The following SMIM35 variants were observed in gnomAD, a reference collection of about 807,000 sequenced individuals.
The protein encoded by SMIM35 is TMPRSS4 antisense RNA 1 (non-protein coding).
chr11:118,078,877 C>G (rs533417251), intron 1 of SMIM35, among the ~76,000 whole-genome samples: 2 of 152,260 alleles, frequency 1.3e-5, no homozygotes, highest in South Asian at 2.1e-4. Flanking sequence ...CGCACATGCA[C>G]CGGGTTCGCA....
At chr11:118,033,227 G>A (rs11216713) in intron 1 of SMIM35, among the ~76,000 whole-genome samples, 5,648 of 152,182 alleles carry the variant, frequency 0.037, 196 homozygotes, top group East Asian at 0.19. Context: ...AAGGATTCTA[G>A]AACACATAGA....
At chr11:118,070,517 T>G (rs1944554465) in intron 1 of SMIM35, among the ~76,000 whole-genome samples, 1 of 152,182 alleles carries the variant, frequency 6.6e-6, no homozygotes, top group Admixed American at 6.5e-5. Flanking sequence ...AAACACTGTA[T>G]GTTCATGGTC....
chr11:118,074,906 T>C (rs894753711), intron 1 of SMIM35, among the ~76,000 whole-genome samples: 1 of 152,154 alleles, frequency 6.6e-6, no homozygotes, highest in African/African-American at 2.4e-5. Flanking sequence ...GTCCTGCTTA[T>C]GTGCCTTCTT....
chr11:118,078,852 C>A (rs1488266295), intron 1 of SMIM35, among the ~76,000 whole-genome samples: 2 of 152,166 alleles, frequency 1.3e-5, no homozygotes. Flanking sequence ...AACGATATGA[C>A]CCACAACAGC....
At chr11:118,025,548 T>C in intron 1 of SMIM35, 1 of 455,616 alleles carries the variant, frequency 2.2e-6, no homozygotes, top group Non-Finnish European at 4.4e-6. Flanking sequence ...ATTAGTGATG[T>C]TGAGAGCATT....
chr11:118,063,297 G>A (rs1051840240), intron 1 of SMIM35, among the ~76,000 whole-genome samples: 1 of 152,084 alleles, frequency 6.6e-6, no homozygotes, highest in African/African-American at 2.4e-5. Flanking sequence ...GTCTGGATGG[G>A]GACCCCTTTC....
intron 1 of SMIM35, chr11:118,077,305 G>A (rs371320220): frequency 4.4e-6 from 7 of 1,601,098 alleles, no homozygotes; most frequent in East Asian, 2.3e-5. Flanking sequence ...GAGCCAGCAT[G>A]GTGAGTGTGG....
At chr11:118,078,504 G>C (rs906432940) in intron 1 of SMIM35, among the ~76,000 whole-genome samples, 5 of 152,224 alleles carry the variant, frequency 3.3e-5, no homozygotes, top group Non-Finnish European at 5.9e-5. Flanking sequence ...GATCAGAAAG[G>C]GGAAGGGGCT....
intron 1 of SMIM35, among the ~76,000 whole-genome samples, chr11:118,044,314 T>TG (rs1345031378): frequency 4.5e-3 from 222 of 49,236 alleles, no homozygotes; most frequent in African/African-American, 0.013. Flanking sequence ...CTGGCAGAAT[T>TG]GAAAAAAAAA....
At chr11:118,055,714 C>T (rs1861017315) in intron 1 of SMIM35, among the ~76,000 whole-genome samples, 1 of 152,188 alleles carries the variant, frequency 6.6e-6, no homozygotes, top group South Asian at 2.1e-4. Context: ...GCTGCTTCTT[C>T]TAGGAAGTCC....
rs370997174 is a variant in SMIM35, at chr11:118,051,774, T to C, written c.7+34977A>G. ...GTCATCTGTGGTTTCACCTCTACAG[T>C]GACACATTTTCCTGTACTGGTGCCC... On this transcript the variant is annotated intron_variant, in intron 1 of 4. Transcript: ENST00000689828. Among the ~76,000 whole-genome samples, 18 of 152,292 alleles carry C rather than the reference T, an allele frequency of 1.2e-4. No homozygotes were observed. The East Asian group carries it at 1.7e-3, about 15-fold the overall frequency.
intron 1 of SMIM35, among the ~76,000 whole-genome samples, chr11:118,045,330 GCACACACACACACACACA>G (rs34102097): frequency 6.8e-6 from 1 of 146,014 alleles, no homozygotes; most frequent in Non-Finnish European, 1.5e-5. Flanking sequence ...ATACACACAT[GCACACACACACACACACA>G]CACACACACA....
intron 1 of SMIM35, among the ~76,000 whole-genome samples, chr11:118,030,126 C>A (rs2058305945): frequency 6.6e-6 from 1 of 151,990 alleles, no homozygotes; most frequent in South Asian, 2.1e-4. Flanking sequence ...ACTCTGTCTC[C>A]CAGGTTCAAG....
At chr11:118,081,344 G>T (rs1226495481) in intron 1 of SMIM35, among the ~76,000 whole-genome samples, 1 of 152,174 alleles carries the variant, frequency 6.6e-6, no homozygotes, top group Non-Finnish European at 1.5e-5. Flanking sequence ...GAAGAGTGGG[G>T]CAGAGCCAAT....
chr11:118,018,814 T>A (rs2058203737), intron 1 of SMIM35, among the ~76,000 whole-genome samples: 1 of 152,256 alleles, frequency 6.6e-6, no homozygotes, highest in Non-Finnish European at 1.5e-5. Context: ...TACCTTTTGA[T>A]CTTTCTGGGA....
At chr11:118,025,469 T>C (rs1252639665) in intron 1 of SMIM35, 1 of 455,222 alleles carries the variant, frequency 2.2e-6, no homozygotes, top group Admixed American at 2.4e-5. Context: ...TTCTGACTTC[T>C]TAATAGTAGC....
At chr11:118,017,182 A>C (rs1158632610) in intron 1 of SMIM35, among the ~76,000 whole-genome samples, 3 of 152,232 alleles carry the variant, frequency 2.0e-5, no homozygotes, top group African/African-American at 7.2e-5. Flanking sequence ...TGAAAGAGAT[A>C]AAGAAAAAGG....
chr11:118,075,976 T>C (rs1786189), intron 1 of SMIM35, among the ~76,000 whole-genome samples: 113,772 of 152,184 alleles, frequency 0.75, 42,747 homozygotes, highest in Admixed American at 0.8. Flanking sequence ...GAATCAGAAA[T>C]GATCCTGTGG....
intron 1 of SMIM35, among the ~76,000 whole-genome samples, chr11:118,054,195 G>A (rs1377134853): frequency 7.1e-6 from 1 of 141,108 alleles, no homozygotes; most frequent in Non-Finnish European, 1.6e-5. Flanking sequence ...TTGTTTTTTT[G>A]TTTGTTTGTT....
Sources: gnomAD v4.1 joint callset for allele counts (sites outside exome capture counted in the v4.1 genomes callset) on GRCh38, gnomAD v4.1.1 for gene constraint, MANE v1.5 for transcripts, NCBI Gene and HGNC (gene_info 2026-07-23, HGNC 2026-07-21) for gene names.